Variants in NRCAM observed in about 807,000 individuals in gnomAD.
The protein encoded by NRCAM is neuronal cell adhesion molecule.
In NRCAM, 83 loss-of-function variants were observed where a neutral mutation model predicts 156.5. The ratio of observed to expected loss-of-function variants is 0.53; its 90% CI spans 0.44 to 0.64. The LOEUF (loss-of-function observed/expected upper bound fraction) is 0.64, where lower values mean the gene tolerates loss of function less well. NRCAM is among the 30% of genes least tolerant of loss of function. The pLI, the probability that NRCAM is intolerant of heterozygous loss-of-function variation, is 0.00. For synonymous variants in NRCAM, 538 were observed against 563.9 expected (o/e 0.95, Z 0.65); for missense variants, 1,417 against 1,597.3 (o/e 0.89, Z 1.92).
chr7:108,208,712 T>C (rs921027171), intron 12 of NRCAM, among the ~76,000 whole-genome samples: 10 of 152,214 alleles, frequency 6.6e-5, no homozygotes, highest in Non-Finnish European at 1.5e-4. Context: ...TCGTAGACTG[T>C]CTTACGGCTT....
chr7:108,424,586 C>T (rs539396166), intron 1 of NRCAM, among the ~76,000 whole-genome samples: 24 of 152,248 alleles, frequency 1.6e-4, no homozygotes, highest in African/African-American at 5.8e-4. Flanking sequence ...TACACTATTG[C>T]TCTTGATTTT....
At chr7:108,424,298 T>C (rs1342373225) in intron 1 of NRCAM, among the ~76,000 whole-genome samples, 1 of 152,140 alleles carries the variant, frequency 6.6e-6, no homozygotes, top group Non-Finnish European at 1.5e-5. Flanking sequence ...CCTGGTGAAA[T>C]AACTGAGAAG....
rs73414324 is a variant in NRCAM at position 108,196,101 on chromosome 7, T to G, written c.1352-229A>C. Among the ~76,000 whole-genome samples, 881 of 152,308 alleles carry G rather than the reference T, an allele frequency of 5.8e-3. 10 individuals are homozygous for G. The highest frequency in any genetic ancestry group is 0.02 in the African/African-American group (846 of 41,560). ...ACTACTTGCTCAGACATCATTTTGG[T>G]TGTTGATTTACTGTGAGTCCACTGC... On this transcript the variant is annotated intron_variant, in intron 14 of 32. Transcript: ENST00000379028.
intron 30 of NRCAM, among the ~76,000 whole-genome samples, chr7:108,162,315 A>G (rs2049623369): frequency 1.3e-5 from 2 of 152,254 alleles, no homozygotes; most frequent in Admixed American, 1.3e-4. Context: ...GCAAAAAGGT[A>G]TTAAAAGTCC....
chr7:108,155,147 T>G lies in NRCAM; in HGVS notation c.3677+4316A>C, dbSNP rs925304194. On this transcript the variant is annotated intron_variant, in intron 32 of 32. Transcript: ENST00000379028. The stretch of plus-strand genomic sequence containing the variant: ...ACACACACACACACACACACACATA[T>G]AGCAGACCTTGATTTTAATCAAGTT... Among the ~76,000 whole-genome samples the G allele has an allele frequency of 7.2e-5, 10 of 139,056 alleles. 1 individual carries two copies. Among genetic ancestry groups the G allele is most frequent in the African/African-American group, 2.7e-4 (10 of 37,200 alleles). The allele number at this position is 139,056 out of a possible 152,430, so 91.2% of individuals were successfully genotyped here. A position where few individuals can be genotyped will look rare whatever the true frequency, so the allele number is the denominator to read the frequency against.
intron 2 of NRCAM, among the ~76,000 whole-genome samples, chr7:108,387,944 A>T (rs920694355): frequency 7.2e-5 from 11 of 152,150 alleles, no homozygotes; most frequent in Admixed American, 6.5e-5. Context: ...ACATTTTCTT[A>T]ATCCAGTCGA....
chr7:108,158,457 T>C (rs1426830863), intron 32 of NRCAM, among the ~76,000 whole-genome samples: 1 of 152,160 alleles, frequency 6.6e-6, no homozygotes, highest in Non-Finnish European at 1.5e-5. Flanking sequence ...TGAAATTCTA[T>C]GATATTGACA....
intron 30 of NRCAM, among the ~76,000 whole-genome samples, chr7:108,166,539 C>T (rs1417632933): frequency 2.0e-5 from 3 of 152,002 alleles, no homozygotes; most frequent in East Asian, 1.9e-4. Flanking sequence ...TGAGCTACCG[C>T]GCCCGGCCAG....
At chr7:108,393,082 C>G (rs901283172) in intron 2 of NRCAM, among the ~76,000 whole-genome samples, 20 of 152,302 alleles carry the variant, frequency 1.3e-4, no homozygotes, top group Non-Finnish European at 2.2e-4. Context: ...AACCACTACT[C>G]TCTTCAAAGC....
chr7:108,194,622 G>A (rs2073917327), intron 15 of NRCAM, among the ~76,000 whole-genome samples, 194 bp from the exon 16 acceptor site: 1 of 152,216 alleles, frequency 6.6e-6, no homozygotes, highest in Non-Finnish European at 1.5e-5. Flanking sequence ...GAGAGGAGAA[G>A]TGAAACGGAT....
intron 1 of NRCAM, among the ~76,000 whole-genome samples, chr7:108,412,114 T>A (rs1796137396): frequency 6.6e-6 from 1 of 152,208 alleles, no homozygotes; most frequent in Admixed American, 6.5e-5. Flanking sequence ...ATAAGAAAAC[T>A]GTTTTTCTAT....
intron 14 of NRCAM, among the ~76,000 whole-genome samples, chr7:108,197,657 T>C (rs1469103388): frequency 6.6e-6 from 1 of 152,218 alleles, no homozygotes; most frequent in Non-Finnish European, 1.5e-5. Context: ...CAGTTGCTAA[T>C]AGCAGACAAA....
chr7:108,451,022 C>G (rs893142377), intron 1 of NRCAM, among the ~76,000 whole-genome samples: 1 of 152,022 alleles, frequency 6.6e-6, no homozygotes, highest in Non-Finnish European at 1.5e-5. Flanking sequence ...GGTTGAAGAC[C>G]AGCTTGGCCA....
At chr7:108,268,636 T>TGGGGGGGGGGGAG (rs1300340254) in intron 3 of NRCAM, among the ~76,000 whole-genome samples, 3 of 8,492 alleles carry the variant, frequency 3.5e-4, no homozygotes, top group African/African-American at 9.6e-4. Flanking sequence ...GGGGGGGGGT[T>TGGGGGGGGGGGAG]GGGGGGGGCG....
chr7:108,193,356 A>AT (rs1355441704), intron 17 of NRCAM, among the ~76,000 whole-genome samples: 3 of 152,212 alleles, frequency 2.0e-5, no homozygotes, highest in Non-Finnish European at 4.4e-5. Context: ...AACCACACAA[A>AT]TGATTTCGAC....
At chr7:108,358,318 T>C (rs1057219901) in intron 2 of NRCAM, among the ~76,000 whole-genome samples, 2 of 150,864 alleles carry the variant, frequency 1.3e-5, no homozygotes, top group Admixed American at 6.6e-5. Flanking sequence ...GGTGGGAGGA[T>C]TGCTTGAGCC....
Position 108,336,183 on chromosome 7 carries a change from T to G in NRCAM, c.-173-23452A>C, listed in dbSNP as rs2099187733. ...TCTAATACCATCCAACTCATTTACA[T>G]AACTGAGGCAGGCAAATCCAGGACA... On this transcript the variant is annotated intron_variant, in intron 2 of 32. Transcript: ENST00000379028. Among the ~76,000 whole-genome samples, 3 of 152,190 alleles carry G rather than the reference T, an allele frequency of 2.0e-5. No homozygotes were observed. The South Asian group carries it at 6.2e-4, about 32-fold the overall frequency.
At chr7:108,221,309 A>C (rs1348518153) in intron 11 of NRCAM, among the ~76,000 whole-genome samples, 1 of 152,208 alleles carries the variant, frequency 6.6e-6, no homozygotes, top group African/African-American at 2.4e-5. Context: ...AAAGTACCAA[A>C]AGTAGAACTG....
intron 22 of NRCAM, among the ~76,000 whole-genome samples, chr7:108,183,355 T>C (rs1563306920): frequency 6.6e-6 from 1 of 152,064 alleles, no homozygotes; most frequent in Non-Finnish European, 1.5e-5. Context: ...TCTACATGTT[T>C]GTATAAATAT....
Sources: allele counts gnomAD v4.1 joint callset (sites outside exome capture counted in the v4.1 genomes callset), GRCh38; gene constraint gnomAD v4.1.1; transcripts MANE v1.5; gene names NCBI Gene and HGNC (gene_info 2026-07-23, HGNC 2026-07-21).